Variants in CNGB1 observed in about 807,000 individuals in gnomAD.
The protein encoded by CNGB1 is cyclic nucleotide gated channel subunit beta 1.
A neutral mutation model predicts 151.7 loss-of-function variants in CNGB1; 126 were observed. The observed-to-expected ratio is 0.83, with a 90% CI of 0.72 to 0.96. The LOEUF (loss-of-function observed/expected upper bound fraction) is 0.96, where lower values mean the gene tolerates loss of function less well. Ranked by LOEUF, CNGB1 falls within the 40% of genes least tolerant of loss-of-function variation. The pLI, the probability that CNGB1 is intolerant of heterozygous loss-of-function variation, is 0.00. For synonymous variants in CNGB1, 623 were observed against 635.1 expected (o/e 0.98, Z 0.29); for missense variants, 1,698 against 1,627.0 (o/e 1.04, Z -0.75).
At chr16:57,906,010 C>T (rs1960540051) in intron 25 of CNGB1, among the ~76,000 whole-genome samples, 1 of 152,268 alleles carries the variant, frequency 6.6e-6, no homozygotes, top group East Asian at 1.9e-4. Context: ...CACCTGTCCA[C>T]ACCTCAGGCT....
chr16:57,965,315 A>G lies in CNGB1; in HGVS notation c.160-771T>C, dbSNP rs190935973. On this transcript the variant is annotated intron_variant, in intron 2 of 32. Transcript: ENST00000251102. ...TGTACATATACATGTGTATGTACAT[A>G]TGCATGCATGCCCCAACACATATAT... Among the ~76,000 whole-genome samples, 11 of 152,334 alleles carry G rather than the reference A, an allele frequency of 7.2e-5. No individual in the cohort carries two copies. The East Asian group carries it at 2.1e-3, about 29-fold the overall frequency.
In CNGB1 at chr16:57,938,155, T is replaced by C. The variant is rs533054751; in HGVS notation, c.1372+1275A>G. ...CTATGCCTCAGCATTTCTCAGAGTG[T>C]GGGTCCCAGACCACCTGCTTCCAAA... is the stretch of plus-strand genomic sequence containing the variant. On this transcript the variant is annotated intron_variant, in intron 16 of 32. Coordinates refer to ENST00000251102, the MANE Select transcript of CNGB1 (RefSeq NM_001297.5). 1.2e-4 allele frequency among the ~76,000 whole-genome samples: 19 copies of C among 152,334 alleles called. 2 individuals carry two copies. In the South Asian group the frequency reaches 3.9e-3, roughly 32 times the overall value.
At chr16:57,951,715 G>A (rs1961952413) in intron 12 of CNGB1, among the ~76,000 whole-genome samples, 1 of 152,176 alleles carries the variant, frequency 6.6e-6, no homozygotes, top group African/African-American at 2.4e-5. Context: ...ACATTTTGGG[G>A]TTATAATTTG....
At position 57,897,525 on chromosome 16, in the gene CNGB1, G is replaced by T; in HGVS notation, c.3114C>A (p.Gly1038=). 6.2e-7 allele frequency: 1 copy of T among 1,614,064 alleles called. No individual in the cohort carries two copies. The highest frequency in any genetic ancestry group is 1.1e-5 in the South Asian group (1 of 91,076). ...FGEISLLAVG[G]GNRRTANVVA... ...CCACGTTGGCCGTGCGCCGGTTCCC[G>T]CCCCCAACAGCCAGCAAGCTGGGGC... Residue 1038 remains glycine, a synonymous_variant, in exon 31 of 33, where the codon GGC becomes GGA. Transcript: ENST00000251102.
chr16:57,961,336 A>T (rs781109297), intron 7 of CNGB1, among the ~76,000 whole-genome samples: 5 of 152,170 alleles, frequency 3.3e-5, no homozygotes, highest in Non-Finnish European at 1.5e-5. Context: ...AAACATTTTA[A>T]ACAAACTTTT....
chr16:57,964,492 G>C lies in CNGB1; in HGVS notation c.212C>G (p.Pro71Arg). 6.2e-7 allele frequency: 1 copy of C among 1,614,106 alleles called. No individual in the cohort carries two copies. The part of the protein sequence containing the change: ...EEEVAVADPS[P>R]QETKEAALTS... ...GCTTCAGCACTCGCACTCACCCTGA[G>C]GGCTTGGGTCTGCCACAGCCACTTC... The change falls in exon 3 of 33, where the codon CCT becomes CGT. Residue 71 changes from proline (P) to arginine (R), a missense_variant. Pro to Arg is a moderately radical substitution (Grantham distance 103). Transcript: ENST00000251102.
chr16:57,969,792 C>A (rs964210349), intron 1 of CNGB1, among the ~76,000 whole-genome samples: 5 of 152,216 alleles, frequency 3.3e-5, no homozygotes, highest in African/African-American at 7.2e-5. Flanking sequence ...TGAACCCCTG[C>A]AGGATGGCCT....
intron 12 of CNGB1, among the ~76,000 whole-genome samples, chr16:57,950,831 C>A (rs534445604): frequency 2.0e-5 from 3 of 152,316 alleles, no homozygotes; most frequent in South Asian, 4.1e-4. Context: ...GGGATTCCTT[C>A]TTAAAGGTTT....
intron 12 of CNGB1, among the ~76,000 whole-genome samples, chr16:57,956,202 A>G (rs1962080896): frequency 6.6e-6 from 1 of 152,190 alleles, no homozygotes; most frequent in African/African-American, 2.4e-5. Context: ...TGTGGCTGCC[A>G]GGCCAGGTGG....
chr16:57,924,481 T>A (rs117999244), intron 17 of CNGB1, among the ~76,000 whole-genome samples: 1 of 152,270 alleles, frequency 6.6e-6, no homozygotes, highest in East Asian at 1.9e-4. Flanking sequence ...AGAAGAATGG[T>A]CATTATTAAT....
intron 10 of CNGB1, among the ~76,000 whole-genome samples, chr16:57,959,679 TGAA>T (rs1962187904): frequency 6.6e-6 from 1 of 152,198 alleles, no homozygotes; most frequent in African/African-American, 2.4e-5. Context: ...AGGTGTGTGT[TGAA>T]GAAAAGAAAA....
chr16:57,928,267 C>T (rs559115437), intron 17 of CNGB1, among the ~76,000 whole-genome samples: 1 of 152,354 alleles, frequency 6.6e-6, no homozygotes, highest in South Asian at 2.1e-4. Context: ...ACCACCTTGA[C>T]TAGGAGTGTC....
In CNGB1 at chr16:57,964,246, G is replaced by A. The variant is rs1447786954; in HGVS notation, c.218-44C>T. ...TCCTTCAGATCTAGGGCCTCAGACAGGCCCATTTCTACCCTGCTTGGGGAG... is the reference window on the plus strand; with the variant it reads ...TCCTTCAGATCTAGGGCCTCAGACAAGCCCATTTCTACCCTGCTTGGGGAG... On this transcript the variant is annotated intron_variant, in intron 3 of 32. Transcript: ENST00000251102. 1.9e-6 allele frequency: 3 copies of A among 1,593,888 alleles called. No homozygotes were observed. The African/African-American group carries it at 4.0e-5, about 21-fold the overall frequency.
Position 57,939,427 on chromosome 16 carries a change from TAC to T in CNGB1, c.1372+1_1372+2del. The T allele has an allele frequency of 6.2e-7, 1 of 1,614,042 alleles. No homozygotes were observed. Among genetic ancestry groups the T allele is most frequent in the Non-Finnish European group, 8.5e-7 (1 of 1,179,986 alleles). ...AACCCATCACCACCACCACCACACCTACCTCCTGAACTGGCAGCCTCGGCCTC... is the reference window on the plus strand; with the variant it reads ...AACCCATCACCACCACCACCACACCTCTCCTGAACTGGCAGCCTCGGCCTC... On this transcript the variant is annotated splice_donor_variant, in intron 16 of 32. Coordinates refer to ENST00000251102, the MANE Select transcript of CNGB1 (RefSeq NM_001297.5). LOFTEE classifies it high-confidence loss of function.
At chr16:57,930,959 A>C (rs1961329766) in intron 17 of CNGB1, among the ~76,000 whole-genome samples, 1 of 152,132 alleles carries the variant, frequency 6.6e-6, no homozygotes. Context: ...AATAATGTGC[A>C]TATAGGTAAC....
intron 23 of CNGB1, among the ~76,000 whole-genome samples, chr16:57,914,535 G>A (rs1036496589): frequency 1.3e-5 from 2 of 152,172 alleles, no homozygotes; most frequent in Non-Finnish European, 2.9e-5. Context: ...TCAGAAAAAG[G>A]CACCAGTCTT....
intron 27 of CNGB1, among the ~76,000 whole-genome samples, chr16:57,903,176 T>C (rs368875056): frequency 9.5e-4 from 136 of 143,672 alleles, no homozygotes; most frequent in African/African-American, 3.1e-3. Flanking sequence ...GGACAGAAAG[T>C]CCTTCTTCCT....
intron 7 of CNGB1, 27 bp downstream of exon 7, chr16:57,962,538 C>G (rs376360710): frequency 3.1e-6 from 5 of 1,608,802 alleles, no homozygotes; most frequent in Non-Finnish European, 4.3e-6. Flanking sequence ...ATACAGACAA[C>G]AGTGACACTC....
intron 14 of CNGB1, among the ~76,000 whole-genome samples, chr16:57,942,501 C>T (rs1317418435): frequency 2.6e-5 from 4 of 152,018 alleles, no homozygotes; most frequent in Non-Finnish European, 5.9e-5. Flanking sequence ...AAATAAAATG[C>T]TTAGGAATAA....
Sources: gnomAD v4.1 joint callset for allele counts (sites outside exome capture counted in the v4.1 genomes callset) on GRCh38, gnomAD v4.1.1 for gene constraint, MANE v1.5 for transcripts, NCBI Gene and HGNC (gene_info 2026-07-23, HGNC 2026-07-21) for gene names.